Variants in FER1L6 observed in about 807,000 individuals in gnomAD.
FER1L6 encodes the protein fer-1-like protein 6.
A neutral mutation model predicts 219.2 loss-of-function variants in FER1L6; 177 were observed. That is an observed-to-expected ratio of 0.81 (90% CI 0.71 to 0.91). The LOEUF (loss-of-function observed/expected upper bound fraction) is 0.91, where lower values mean the gene tolerates loss of function less well. Ranked by LOEUF, FER1L6 falls within the 40% of genes least tolerant of loss-of-function variation. The pLI is 0.00. For missense variants in FER1L6, 2,153 were observed against 2,259.9 expected (o/e 0.95, Z 0.96); for synonymous variants, 768 against 824.3 (o/e 0.93, Z 1.17).
intron 10 of FER1L6, 31 bp downstream of exon 10, chr8:123,977,640 G>A (rs1398649001): frequency 1.9e-6 from 3 of 1,604,472 alleles, no homozygotes; most frequent in Admixed American, 3.4e-5. Context: ...CTTGAAAAAT[G>A]TCTCAAAATG....
chr8:123,961,396 G>T (rs1351366810), intron 2 of FER1L6, among the ~76,000 whole-genome samples: 2 of 152,206 alleles, frequency 1.3e-5, no homozygotes, highest in Non-Finnish European at 2.9e-5. Context: ...GAGAATAAAT[G>T]ATGCACTAAA....
At chr8:123,882,021 T>C (rs975875000) in intron 1 of FER1L6, among the ~76,000 whole-genome samples, 37 of 152,208 alleles carry the variant, frequency 2.4e-4, no homozygotes, top group African/African-American at 8.9e-4. Context: ...TATAATCAAA[T>C]AGCATCATCC....
At chr8:124,085,449 C>G (rs1821740216) in intron 33 of FER1L6, among the ~76,000 whole-genome samples, 2 of 152,010 alleles carry the variant, frequency 1.3e-5, no homozygotes, top group East Asian at 3.9e-4. Flanking sequence ...CAAGAAATTT[C>G]TAAATTTCTT....
intron 1 of FER1L6, among the ~76,000 whole-genome samples, chr8:123,862,936 G>C (rs111329054): frequency 6.8e-6 from 1 of 146,178 alleles, no homozygotes; most frequent in African/African-American, 2.7e-5. Flanking sequence ...ACCAGCTCCT[G>C]GATTCATTGA....
chr8:123,898,751 A>ATATATG (rs2129724093), intron 1 of FER1L6, among the ~76,000 whole-genome samples: 2 of 145,216 alleles, frequency 1.4e-5, no homozygotes, highest in East Asian at 3.9e-4. Flanking sequence ...CATATATACT[A>ATATATG]TATATACACA....
intron 1 of FER1L6, among the ~76,000 whole-genome samples, chr8:123,890,724 C>G (rs991412888): frequency 7.5e-6 from 1 of 133,748 alleles, no homozygotes; most frequent in Non-Finnish European, 1.6e-5. Flanking sequence ...AAACCAACAA[C>G]AAGAAAATCC....
intron 1 of FER1L6, among the ~76,000 whole-genome samples, chr8:123,859,783 A>G (rs1816712534): frequency 7.6e-6 from 1 of 132,230 alleles, no homozygotes; most frequent in African/African-American, 2.9e-5. Context: ...ATTCCCACCT[A>G]TGAGTGAGAA....
At chr8:124,059,210 A>T (rs572412267) in intron 22 of FER1L6, among the ~76,000 whole-genome samples, 1 of 152,332 alleles carries the variant, frequency 6.6e-6, no homozygotes, top group African/African-American at 2.4e-5. Flanking sequence ...ACCTGCTCCA[A>T]AGCAATGTTT....
At chr8:124,099,932 C>A (rs1822481653) in intron 37 of FER1L6, among the ~76,000 whole-genome samples, 1 of 152,130 alleles carries the variant, frequency 6.6e-6, no homozygotes, top group Admixed American at 6.5e-5. Flanking sequence ...TCACTCATAT[C>A]CCTCTCTCCC....
At chr8:124,012,569 T>C (rs940110827) in intron 14 of FER1L6, among the ~76,000 whole-genome samples, 1 of 152,172 alleles carries the variant, frequency 6.6e-6, no homozygotes, top group Non-Finnish European at 1.5e-5. Flanking sequence ...ATACCCCCTA[T>C]AGTGTTGTAG....
chr8:124,035,877 AC>A (rs1456601580), intron 19 of FER1L6: 2 of 154,992 alleles, frequency 1.3e-5, no homozygotes, highest in African/African-American at 4.8e-5. Flanking sequence ...CCTAGTAGTA[AC>A]CCAGTGGAGA....
intron 13 of FER1L6, among the ~76,000 whole-genome samples, chr8:124,006,140 C>T (rs1234402923): frequency 2.6e-5 from 4 of 152,208 alleles, no homozygotes; most frequent in East Asian, 3.9e-4. Context: ...GGGGACTGTT[C>T]TGAGACTACT....
intron 1 of FER1L6, among the ~76,000 whole-genome samples, chr8:123,879,059 G>C (rs1459643104): frequency 6.6e-6 from 1 of 152,182 alleles, no homozygotes; most frequent in East Asian, 1.9e-4. Flanking sequence ...GAGAAAGAAA[G>C]TGCCTAATAA....
chr8:124,103,321 C>T lies in FER1L6; in HGVS notation c.5289+12C>T, dbSNP rs745668668. The T allele has an allele frequency of 5.0e-6, 8 of 1,609,854 alleles. No individual in the cohort carries two copies. In the South Asian group the frequency reaches 8.8e-5, roughly 18 times the overall value. On this transcript the variant is annotated intron_variant, in intron 39 of 40. Coordinates refer to ENST00000522917, the MANE Select transcript of FER1L6 (RefSeq NM_001039112.2). ...GCAAAGAACTCACAGTAAGTGACAGCTATGGGAGGTGGAGGAGATGGGGGA... is the reference window on the plus strand; with the variant it reads ...GCAAAGAACTCACAGTAAGTGACAGTTATGGGAGGTGGAGGAGATGGGGGA...
rs564746676 is a variant in FER1L6, at chr8:124,067,823, G to C, written c.3718+17G>C. 4.9e-5 allele frequency: 79 copies of C among 1,607,188 alleles called. No homozygotes were observed. In the East Asian group the frequency reaches 1.5e-3, roughly 31 times the overall value. On this transcript the variant is annotated intron_variant, in intron 28 of 40. Coordinates refer to ENST00000522917, the MANE Select transcript of FER1L6 (RefSeq NM_001039112.2). ...GCAATACAGGTAAGCAGTTATTCTGGGGACATTTGTCCATAGAATAGGGCC... is the reference window on the plus strand; with the variant it reads ...GCAATACAGGTAAGCAGTTATTCTGCGGACATTTGTCCATAGAATAGGGCC...
intron 21 of FER1L6, among the ~76,000 whole-genome samples, chr8:124,049,048 TTTTTTTC>T (rs894796030): frequency 3.3e-5 from 5 of 152,048 alleles, no homozygotes; most frequent in Non-Finnish European, 5.9e-5. Context: ...ACCACCTTTT[TTTTTTTC>T]TTTTTTCTTT....
intron 39 of FER1L6, among the ~76,000 whole-genome samples, chr8:124,108,207 T>C (rs1250314062): frequency 1.3e-5 from 2 of 152,116 alleles, no homozygotes; most frequent in Non-Finnish European, 2.9e-5. Context: ...TAACAACAAA[T>C]ACTGACTCCT....
chr8:123,891,883 C>G (rs2129700233), intron 1 of FER1L6, among the ~76,000 whole-genome samples: 1 of 152,194 alleles, frequency 6.6e-6, no homozygotes, highest in African/African-American at 2.4e-5. Flanking sequence ...AAGAGGTGGA[C>G]TCATGAGATG....
intron 1 of FER1L6, among the ~76,000 whole-genome samples, chr8:123,950,017 T>C (rs929967135): frequency 5.9e-5 from 9 of 152,122 alleles, no homozygotes; most frequent in African/African-American, 2.2e-4. Flanking sequence ...GCTTAAAGGT[T>C]GATTTCTTGA....
Sources: gnomAD v4.1 joint callset for allele counts (sites outside exome capture counted in the v4.1 genomes callset) on GRCh38, gnomAD v4.1.1 for gene constraint, MANE v1.5 for transcripts, NCBI Gene and HGNC (gene_info 2026-07-23, HGNC 2026-07-21) for gene names.